The following PCDHGC5 variants were observed in gnomAD, a reference collection of about 807,000 sequenced individuals.
The protein encoded by PCDHGC5 is protocadherin gamma subfamily C, 5, also known as protocadherin gamma-C5.
In PCDHGC5, 25 loss-of-function variants were observed where a neutral mutation model predicts 59.0. The ratio of observed to expected loss-of-function variants is 0.42; its 90% CI spans 0.31 to 0.59. The LOEUF (loss-of-function observed/expected upper bound fraction) is 0.59, where lower values mean the gene tolerates loss of function less well. PCDHGC5 is among the 20% of genes least tolerant of loss of function. PCDHGC5 has a pLI of 0.13. For synonymous variants in PCDHGC5, 434 were observed against 505.5 expected, an observed-to-expected ratio of 0.86 and a Z score of 1.90; for missense variants, 1,067 against 1,206.4, an observed-to-expected ratio of 0.88 and a Z score of 1.71.
In PCDHGC5 at chr5:141,511,070, G is replaced by A. The variant is rs1341623011; in HGVS notation, c.2732G>A (p.Gly911Asp). ...PDYRQNVYIP[G>D]SNATLTNAAG... ...TACCGCCAGAATGTCTACATCCCAG[G>A]CAGCAATGCCACACTGACCAACGCA... The change falls in exon 4 of 4, where the codon GGC (glycine) becomes GAC (aspartate). Residue 911 changes from glycine to aspartate, a missense_variant. Physicochemically the swap from Gly to Asp is moderately conservative, Grantham distance 94 (BLOSUM62 -1). Transcript: ENST00000252087. 2.5e-6 allele frequency: 4 copies of A among 1,614,218 alleles called. No homozygotes were observed. Among genetic ancestry groups the A allele is most frequent in the Admixed American group, 1.7e-5 (1 of 60,030 alleles).
chr5:141,501,130 G>C (rs528942194), intron 2 of PCDHGC5, among the ~76,000 whole-genome samples: 1 of 152,218 alleles, frequency 6.6e-6, no homozygotes, highest in South Asian at 2.1e-4. Flanking sequence ...GCCTCCCTAA[G>C]TGCTGGGATT....
intron 3 of PCDHGC5, 96 bp downstream of exon 3, chr5:141,505,577 G>C: frequency 2.5e-6 from 4 of 1,589,854 alleles, no homozygotes; most frequent in Non-Finnish European, 3.4e-6. Flanking sequence ...TGTCAAACCT[G>C]TGTAGTTTCT....
intron 1 of PCDHGC5, among the ~76,000 whole-genome samples, chr5:141,492,622 C>A (rs2099742615): frequency 6.6e-6 from 1 of 152,218 alleles, no homozygotes; most frequent in South Asian, 2.1e-4. Flanking sequence ...GCCGGGCGGG[C>A]AGGACTCTAC....
chr5:141,509,320 C>T (rs1261653347), intron 3 of PCDHGC5, among the ~76,000 whole-genome samples: 2 of 152,194 alleles, frequency 1.3e-5, no homozygotes, highest in East Asian at 3.8e-4. Flanking sequence ...GGGAGAGAAG[C>T]TCTACTGCCA....
intron 1 of PCDHGC5, among the ~76,000 whole-genome samples, chr5:141,492,631 A>G (rs1203365582): frequency 6.6e-6 from 1 of 152,184 alleles, no homozygotes; most frequent in Non-Finnish European, 1.5e-5. Flanking sequence ...GCAGGACTCT[A>G]CGATCCTTGG....
rs2154594699 is a variant in PCDHGC5 at position 141,512,507 on chromosome 5, C to T, written c.*1334C>T. 6.5e-6 allele frequency: 1 copy of T among 153,048 alleles called. No individual in the cohort carries two copies. Among genetic ancestry groups the T allele is most frequent in the South Asian group, 2.1e-4 (1 of 4,836 alleles). 9.5% of individuals were successfully genotyped at this position (153,048 alleles called of 1,614,324 possible). ...CACTGCCCAGGTCCCCAGTGCGCCCCCTAGTGGCCATAGCCTGGTTAAAGT... is the reference window on the plus strand; with the variant it reads ...CACTGCCCAGGTCCCCAGTGCGCCCTCTAGTGGCCATAGCCTGGTTAAAGT... On this transcript the variant is annotated 3_prime_UTR_variant, in exon 4 of 4. Transcript: ENST00000252087.
At chr5:141,510,810 A>G (rs1455434913) in intron 3 of PCDHGC5, 137 bp from the exon 4 acceptor site, 19 of 1,519,650 alleles carry the variant, frequency 1.3e-5, no homozygotes, top group Admixed American at 2.0e-5. Flanking sequence ...TACCTTGGTG[A>G]CCCCTATATT....
rs2233610 is a variant in PCDHGC5, at chr5:141,505,535, G to A, written c.2608+54G>A. ...AGTGGGAGACCTGGGGTTCTGGGGT[G>A]CATCTCACAGCCACCATGCCCACGG... is the stretch of plus-strand genomic sequence containing the variant. On this transcript the variant is annotated intron_variant, in intron 3 of 3. Transcript: ENST00000252087. 12 of 1,610,344 alleles carry A rather than the reference G, an allele frequency of 7.5e-6. No individual in the cohort carries two copies. The East Asian group carries it at 1.8e-4, about 24-fold the overall frequency.
At position 141,489,871 on chromosome 5, in the gene PCDHGC5, G is replaced by C; in HGVS notation, c.631G>C (p.Val211Leu). The part of the protein sequence containing the change: ...DREAQARHQL[V>L]LTAVDGGTPA... ...TGAAGCCCAGGCAAGACATCAGCTGGTGCTTACTGCTGTGGATGGGGGGAC... is the reference window on the plus strand; with the variant it reads ...TGAAGCCCAGGCAAGACATCAGCTGCTGCTTACTGCTGTGGATGGGGGGAC... Residue 211 changes from valine to leucine, a missense_variant, in exon 1 of 4, where the codon GTG becomes CTG. Physicochemically the swap from Val to Leu is conservative, Grantham distance 32. Coordinates refer to ENST00000252087, the MANE Select transcript of PCDHGC5 (RefSeq NM_018929.3). The surrounding 1 kb of genome is among the most constrained non-coding windows in gnomAD (Gnocchi z 4.5). 1 of 1,614,206 alleles carries C rather than the reference G, an allele frequency of 6.2e-7. No individual in the cohort carries two copies.
Position 141,505,473 on chromosome 5 carries a change from C to T in PCDHGC5, c.2600C>T (p.Ser867Phe). The change falls in exon 3 of 4, where the codon TCC (serine) becomes TTC (phenylalanine). Residue 867 changes from serine to phenylalanine, a missense_variant. Transcript: ENST00000252087. Reference sequence around the variant, plus strand: ...ATGCTGCAAGCCATGATCTTGGCGTCCGCCAGTGGTAAGTGGTGTCAGTGT... The same window carrying T: ...ATGCTGCAAGCCATGATCTTGGCGTTCGCCAGTGGTAAGTGGTGTCAGTGT... ...TEMLQAMILA[S>F]ASEAADGSST... is the part of the protein sequence containing the mutation. The T allele has an allele frequency of 6.2e-7, 1 of 1,614,188 alleles. No homozygotes were observed. Among genetic ancestry groups the T allele is most frequent in the Non-Finnish European group, 8.5e-7 (1 of 1,180,014 alleles).
rs1254680765 is a variant in PCDHGC5 at position 141,491,399 on chromosome 5, A to G, written c.2159A>G (p.Asn720Ser). ...CTGTCAGCGAAGTGCCTTCAGGGAA[A>G]CGCAGACGGGGACGGGGGTGGAGGG... ...TFLSAKCLQG[N>S]ADGDGGGGQC... The change falls in exon 1 of 4, where the codon AAC becomes AGC. Residue 720 changes from asparagine (N) to serine (S), a missense_variant. Asn to Ser is a conservative substitution (Grantham distance 46, BLOSUM62 1). Transcript: ENST00000252087. This position sits in a 1 kb window ranked among gnomAD's most constrained non-coding sequence, Gnocchi z 6.9. 3 of 1,613,998 alleles carry G rather than the reference A, an allele frequency of 1.9e-6. No homozygotes were observed. Among genetic ancestry groups the G allele is most frequent in the Non-Finnish European group, 2.5e-6 (3 of 1,180,028 alleles).
chr5:141,491,414 G>C lies in PCDHGC5; in HGVS notation c.2174G>C (p.Gly725Ala), dbSNP rs137987971. 35 of 1,614,008 alleles carry C rather than the reference G, an allele frequency of 2.2e-5. No homozygotes were observed. Among genetic ancestry groups the C allele is most frequent in the African/African-American group, 1.3e-4 (10 of 74,910 alleles). Residue 725 changes from glycine (G) to alanine (A), a missense_variant, in exon 1 of 4, where the codon GGG (glycine) becomes GCG (alanine). By Grantham distance (60) the Gly-to-Ala change is moderately conservative. Coordinates refer to ENST00000252087, the MANE Select transcript of PCDHGC5 (RefSeq NM_018929.3). The surrounding 1 kb of genome is among the most constrained non-coding windows in gnomAD (Gnocchi z 6.9). ...CTTCAGGGAAACGCAGACGGGGACG[G>C]GGGTGGAGGGCAGTGCTGCAGGCGC... ...KCLQGNADGDGGGGQCCRRQD... is the reference protein window; with the variant it reads ...KCLQGNADGDAGGGQCCRRQD...
rs2099749632 is a variant in PCDHGC5, at chr5:141,493,698, C to T, written c.2461-1109C>T. The stretch of plus-strand genomic sequence containing the variant: ...AGAATGGTGCTGGTGACTCCCGATA[C>T]ACCTGGAATGCTAGGTTTCTGGGTT... On this transcript the variant is annotated intron_variant, in intron 1 of 3. Transcript: ENST00000252087. This position sits in a 1 kb window ranked among gnomAD's most constrained non-coding sequence, Gnocchi z 4.3. Among the ~76,000 whole-genome samples the T allele has an allele frequency of 6.6e-6, 1 of 152,208 alleles. No individual in the cohort carries two copies. Among genetic ancestry groups the T allele is most frequent in the Non-Finnish European group, 1.5e-5 (1 of 68,034 alleles).
At chr5:141,500,887 T>C (rs557735403) in intron 2 of PCDHGC5, among the ~76,000 whole-genome samples, 1 of 95,622 alleles carries the variant, frequency 1.0e-5, no homozygotes, top group South Asian at 2.8e-4. Context: ...ATTTTTTTTT[T>C]TTGAGACAGT....
chr5:141,510,633 TACCA>T (rs2099882032), intron 3 of PCDHGC5, among the ~76,000 whole-genome samples: 1 of 152,110 alleles, frequency 6.6e-6, no homozygotes, highest in Admixed American at 6.6e-5. Flanking sequence ...AAGAGGTGGT[TACCA>T]TTATCATCCC....
chr5:141,501,162 C>T (rs922957843), intron 2 of PCDHGC5, among the ~76,000 whole-genome samples: 1 of 152,134 alleles, frequency 6.6e-6, no homozygotes, highest in Non-Finnish European at 1.5e-5. Context: ...CCACCATCCC[C>T]AGCCTCATTT....
At chr5:141,497,827 C>T (rs1390986916) in intron 2 of PCDHGC5, among the ~76,000 whole-genome samples, 3 of 152,188 alleles carry the variant, frequency 2.0e-5, no homozygotes, top group East Asian at 3.9e-4. Flanking sequence ...GGTGTGATCG[C>T]CCCCGGCCAC....
chr5:141,500,350 A>G (rs2099799466), intron 2 of PCDHGC5, among the ~76,000 whole-genome samples: 1 of 151,976 alleles, frequency 6.6e-6, no homozygotes, highest in African/African-American at 2.4e-5. Flanking sequence ...CTGGGACTAC[A>G]GGCGCCCACT....
At chr5:141,497,050 G>T (rs113054804) in intron 2 of PCDHGC5, among the ~76,000 whole-genome samples, 5,544 of 152,084 alleles carry the variant, frequency 0.036, 137 homozygotes, top group South Asian at 0.074. Context: ...TTAGCCAGGC[G>T]TGGTGGCAGG....
Sources: allele counts gnomAD v4.1 joint callset (sites outside exome capture counted in the v4.1 genomes callset), GRCh38; gene constraint gnomAD v4.1.1; non-coding constraint Gnocchi (gnomAD v3.1); transcripts MANE v1.5; gene names NCBI Gene and HGNC (gene_info 2026-07-23, HGNC 2026-07-21).